Variants in PARD3B observed in about 807,000 individuals in gnomAD.
PARD3B encodes par-3 family cell polarity regulator beta, also known as partitioning defective 3 homolog B.
A neutral mutation model predicts 130.2 loss-of-function variants in PARD3B; 103 were observed. That is an observed-to-expected ratio of 0.79 (90% confidence interval 0.67 to 0.93). The LOEUF (loss-of-function observed/expected upper bound fraction) is 0.93, where lower values mean the gene tolerates loss of function less well. Ranked by LOEUF, PARD3B falls within the 40% of genes least tolerant of loss-of-function variation. The probability of loss-of-function intolerance (pLI) is 0.00; values close to 1 mark genes in which losing one functional copy is unlikely to be tolerated. For missense variants in PARD3B, 1,609 were observed against 1,499.2 expected (o/e 1.07, Z -1.21); for synonymous variants, 583 against 553.2 (o/e 1.05, Z -0.76).
chr2:204,968,187 A>C (rs1276326243), intron 3 of PARD3B, among the ~76,000 whole-genome samples: 1 of 152,220 alleles, frequency 6.6e-6, no homozygotes, highest in Non-Finnish European at 1.5e-5. Context: ...TGCTTTTCTT[A>C]ATTAAGCAGA....
chr2:204,702,906 A>G (rs982289038), intron 2 of PARD3B, among the ~76,000 whole-genome samples: 4 of 152,082 alleles, frequency 2.6e-5, no homozygotes, highest in African/African-American at 4.8e-5. Flanking sequence ...TTCTTGTTCA[A>G]TTGTTTAAGT....
At chr2:205,383,040 A>G (rs893440360) in intron 18 of PARD3B, among the ~76,000 whole-genome samples, 22 of 150,180 alleles carry the variant, frequency 1.5e-4, no homozygotes, top group Admixed American at 7.4e-4. Context: ...CTTGAGTATC[A>G]TTGTTTCTAG....
At position 205,176,250 on chromosome 2, in the gene PARD3B, A is replaced by G. The variant is rs552169793; in HGVS notation, c.1792-195A>G. 1.3e-5 allele frequency among the ~76,000 whole-genome samples: 2 copies of G among 152,316 alleles called. No individual in the cohort carries two copies. Among genetic ancestry groups the G allele is most frequent in the Admixed American group, 6.5e-5 (1 of 15,306 alleles). On this transcript the variant is annotated intron_variant, in intron 12 of 22. Transcript: ENST00000406610. This position sits in a 1 kb window ranked among gnomAD's most constrained non-coding sequence, Gnocchi z 5.3. ...CAGCACTCCTAATCCTTAGCACCACAGTGTCAGTACTTTTTATTTTAGACT... is the reference window on the plus strand; with the variant it reads ...CAGCACTCCTAATCCTTAGCACCACGGTGTCAGTACTTTTTATTTTAGACT...
chr2:204,902,538 G>A (rs1227093911), intron 2 of PARD3B, among the ~76,000 whole-genome samples: 1 of 151,770 alleles, frequency 6.6e-6, no homozygotes, highest in Non-Finnish European at 1.5e-5. Context: ...GCGTGGTGGC[G>A]GGCGCCTGCA....
intron 1 of PARD3B, among the ~76,000 whole-genome samples, chr2:204,556,512 C>T (rs987400029): frequency 4.6e-5 from 7 of 151,904 alleles, no homozygotes; most frequent in African/African-American, 1.5e-4. Flanking sequence ...ACACTAAAGC[C>T]GTTTTGAAAG....
chr2:205,531,807 C>T (rs1054513505), intron 21 of PARD3B, among the ~76,000 whole-genome samples: 3 of 152,156 alleles, frequency 2.0e-5, no homozygotes, highest in African/African-American at 7.2e-5. Context: ...TGATCTGATG[C>T]ATATGGATGA....
chr2:204,662,401 T>C (rs1325474029), intron 1 of PARD3B, among the ~76,000 whole-genome samples: 1 of 152,216 alleles, frequency 6.6e-6, no homozygotes, highest in African/African-American at 2.4e-5. Context: ...GGGCTTACTT[T>C]ATATATTTTC....
intron 19 of PARD3B, among the ~76,000 whole-genome samples, chr2:205,418,616 T>A (rs866364724): frequency 2.6e-5 from 4 of 152,298 alleles, no homozygotes; most frequent in African/African-American, 9.6e-5. Context: ...AATCATTAGA[T>A]TCAATTATAA....
intron 15 of PARD3B, among the ~76,000 whole-genome samples, chr2:205,210,251 A>G (rs1038668871): frequency 3.9e-5 from 6 of 152,064 alleles, no homozygotes; most frequent in African/African-American, 1.2e-4. Flanking sequence ...TAAAATAAAA[A>G]GAAAATCAGC....
At chr2:205,298,722 G>A (rs1384503651) in intron 16 of PARD3B, among the ~76,000 whole-genome samples, 3 of 152,132 alleles carry the variant, frequency 2.0e-5, no homozygotes, top group African/African-American at 7.2e-5. Flanking sequence ...TACTTGACGA[G>A]GCTCCAGGGT....
intron 16 of PARD3B, among the ~76,000 whole-genome samples, chr2:205,252,231 G>A (rs10209747): frequency 0.035 from 5,362 of 152,186 alleles, 126 homozygotes; most frequent in Middle Eastern, 0.058. Context: ...TCCAAATCAA[G>A]TTTCAAAATA....
At chr2:204,872,534 C>T (rs943098902) in intron 2 of PARD3B, among the ~76,000 whole-genome samples, 33 of 152,020 alleles carry the variant, frequency 2.2e-4, no homozygotes, top group African/African-American at 7.2e-4. Flanking sequence ...GCTAGCTATG[C>T]GGTTTTCTTG....
intron 2 of PARD3B, among the ~76,000 whole-genome samples, chr2:204,873,129 T>C (rs1045921424): frequency 3.9e-5 from 6 of 152,222 alleles, no homozygotes; most frequent in East Asian, 1.9e-4. Flanking sequence ...AGGTGTTACA[T>C]GTGAAAGACC....
At chr2:204,550,739 G>A (rs973668317) in intron 1 of PARD3B, among the ~76,000 whole-genome samples, 1 of 152,202 alleles carries the variant, frequency 6.6e-6, no homozygotes, top group Non-Finnish European at 1.5e-5. Context: ...AGAACTGGGA[G>A]TAGTCTGATT....
intron 2 of PARD3B, among the ~76,000 whole-genome samples, chr2:204,963,902 A>G: frequency 6.6e-6 from 1 of 152,212 alleles, no homozygotes; most frequent in East Asian, 1.9e-4. Context: ...ACTGGAAATG[A>G]GTAGTCAGTT....
rs1372416267 is a variant in PARD3B, at chr2:205,550,906, TATAA to T, written c.3181-2414_3181-2411del. Among the ~76,000 whole-genome samples the T allele has an allele frequency of 6.8e-6, 1 of 146,346 alleles. No homozygotes were observed. Among genetic ancestry groups the T allele is most frequent in the Non-Finnish European group, 1.5e-5 (1 of 66,996 alleles). ...TGTATGTATATATACATAATCATGTTATAAATACATATAATTATGTGTGTGTGTG... is the reference window on the plus strand; with the variant it reads ...TGTATGTATATATACATAATCATGTTATACATATAATTATGTGTGTGTGTG... On this transcript the variant is annotated intron_variant, in intron 21 of 22. Transcript: ENST00000406610. This position sits in a 1 kb window ranked among gnomAD's most constrained non-coding sequence, Gnocchi z 4.5.
At chr2:204,847,515 C>T (rs985506263) in intron 2 of PARD3B, among the ~76,000 whole-genome samples, 6 of 152,088 alleles carry the variant, frequency 3.9e-5, no homozygotes, top group Non-Finnish European at 8.8e-5. Context: ...CTGAAAAATT[C>T]CAGAAATACA....
chr2:204,820,235 C>G (rs1258730253), intron 2 of PARD3B, among the ~76,000 whole-genome samples: 1 of 151,710 alleles, frequency 6.6e-6, no homozygotes, highest in African/African-American at 2.4e-5. Context: ...ACCACCATGC[C>G]CAATTAATTT....
At chr2:204,997,062 C>G (rs1396938892) in intron 3 of PARD3B, among the ~76,000 whole-genome samples, 1 of 152,160 alleles carries the variant, frequency 6.6e-6, no homozygotes, top group Non-Finnish European at 1.5e-5. Flanking sequence ...ACGCTGGGAG[C>G]TGTAGACCGG....
Sources: allele counts gnomAD v4.1 joint callset (sites outside exome capture counted in the v4.1 genomes callset), GRCh38; gene constraint gnomAD v4.1.1; non-coding constraint Gnocchi (gnomAD v3.1); transcripts MANE v1.5; gene names NCBI Gene and HGNC (gene_info 2026-07-23, HGNC 2026-07-21).